MTMR11: variants seen among roughly 807,000 people sequenced by gnomAD.
MTMR11 encodes the protein myotubularin related protein 11, also known as myotubularin-related protein 11.
A neutral mutation model predicts 100.0 loss-of-function variants in MTMR11; 89 were observed. That is an observed-to-expected ratio of 0.89 (90% CI 0.75 to 1.06). The LOEUF (loss-of-function observed/expected upper bound fraction) is 1.06, where lower values mean the gene tolerates loss of function less well. MTMR11 is among the 50% of genes least tolerant of loss of function. The pLI, the probability that MTMR11 is intolerant of heterozygous loss-of-function variation, is 0.00. For synonymous variants in MTMR11, 336 were observed against 326.3 expected (o/e 1.03, Z -0.32); for missense variants, 809 against 873.7 (o/e 0.93, Z 0.93).
At chr1:149,930,074 G>T (rs2101656485) in intron 15 of MTMR11, 158 bp from the exon 16 acceptor site, 3 of 822,946 alleles carry the variant, frequency 3.6e-6, no homozygotes, top group South Asian at 3.7e-5. Flanking sequence ...TCCTCATTAG[G>T]CTTCAACTAG....
intron 6 of MTMR11, 39 bp downstream of exon 6, chr1:149,934,409 T>A: frequency 6.2e-7 from 1 of 1,613,736 alleles, no homozygotes; most frequent in East Asian, 2.2e-5. Flanking sequence ...ATCCTCTGCT[T>A]TTTCAGACTC....
rs12083986 is a variant in MTMR11, at chr1:149,934,833, G to A, written c.468+153C>T. Among the ~76,000 whole-genome samples the A allele has an allele frequency of 4.6e-3, 700 of 152,264 alleles. 9 individuals carry two copies. Among genetic ancestry groups the A allele is most frequent in the African/African-American group, 0.016 (663 of 41,556 alleles). On this transcript the variant is annotated intron_variant, in intron 5 of 16. Coordinates refer to ENST00000439741, the MANE Select transcript of MTMR11 (RefSeq NM_001145862.2). ...AGCGCAGGCTCTTTACTCTCATCACGCAATCATTTATCCCAGCCTTTTAGC... is the reference window on the plus strand; with the variant it reads ...AGCGCAGGCTCTTTACTCTCATCACACAATCATTTATCCCAGCCTTTTAGC...
intron 8 of MTMR11, 62 bp from the exon 9 acceptor site, chr1:149,933,760 C>T: frequency 1.2e-6 from 2 of 1,610,150 alleles, no homozygotes; most frequent in East Asian, 2.2e-5. Flanking sequence ...CTACCCTTGC[C>T]CCCACACTGA....
rs370127696 is a variant in MTMR11, at chr1:149,935,038, C to T, written c.416G>A (p.Arg139Gln). The T allele has an allele frequency of 3.3e-5, 53 of 1,613,950 alleles. No individual in the cohort carries two copies. The highest frequency in any genetic ancestry group is 4.3e-5 in the Non-Finnish European group (51 of 1,180,036). ...EEILIHGRDF[R>Q]LLRVGFEAGG... ...AGCCTCAAAACCAACTCTGAGCAGC[C>T]GGAAGTCTCGGCCATGAATCAGAAT... Residue 139 changes from arginine (R) to glutamine (Q), a missense_variant, in exon 5 of 17, where the codon CGG becomes CAG. By Grantham distance (43) the Arg-to-Gln change is conservative (BLOSUM62 1). Transcript: ENST00000439741.
In MTMR11 at chr1:149,928,941, T is replaced by C. The variant is rs2092616829; in HGVS notation, c.*188A>G. 1 of 1,614,108 alleles carries C rather than the reference T, an allele frequency of 6.2e-7. No homozygotes were observed. Reference sequence around the variant, plus strand: ...CAATTTCTGGATTGTTTTTGTTTCTTAATCCTTCAAATGACAAGAAGCAAA... The same window carrying C: ...CAATTTCTGGATTGTTTTTGTTTCTCAATCCTTCAAATGACAAGAAGCAAA... On this transcript the variant is annotated 3_prime_UTR_variant, in exon 17 of 17. Transcript: ENST00000439741.
At chr1:149,929,560 T>C in intron 16 of MTMR11, 63 bp downstream of exon 16, 1 of 1,528,750 alleles carries the variant, frequency 6.5e-7, no homozygotes, top group Non-Finnish European at 8.8e-7. Flanking sequence ...TTCCAGCTCC[T>C]GTTCATCTGG....
Position 149,932,349 on chromosome 1 carries a change from A to C in MTMR11, c.986-19T>G. ...GATGAATCTGATAGAGGGTAGAAAG[A>C]TCAGAAGGGCAAGAGATTAGAACTC... On this transcript the variant is annotated intron_variant, in intron 10 of 16. Transcript: ENST00000439741. The C allele has an allele frequency of 6.2e-7, 1 of 1,600,258 alleles. No individual in the cohort carries two copies. Among genetic ancestry groups the C allele is most frequent in the Middle Eastern group, 1.7e-4 (1 of 6,032 alleles).
intron 15 of MTMR11, 191 bp from the exon 16 acceptor site, chr1:149,930,107 A>AT (rs1450022663): frequency 8.4e-6 from 6 of 715,658 alleles, no homozygotes; most frequent in Non-Finnish European, 1.4e-5. Flanking sequence ...ATTAAGGTTG[A>AT]TTTTAGGGCA....
At position 149,928,925 on chromosome 1, in the gene MTMR11, GA is replaced by G; in HGVS notation, c.*203del. The G allele has an allele frequency of 6.2e-7, 1 of 1,614,046 alleles. No homozygotes were observed. The highest frequency in any genetic ancestry group is 8.5e-7 in the Non-Finnish European group (1 of 1,179,994). ...GCCTAAAAAAACCGATCAATTTCTG[GA>G]TTGTTTTTGTTTCTTAATCCTTCAA... On this transcript the variant is annotated 3_prime_UTR_variant, in exon 17 of 17. Transcript: ENST00000439741.
Position 149,936,154 on chromosome 1 carries a change from C to G in MTMR11, c.142G>C (p.Gly48Arg), listed in dbSNP as rs1423436299. ...TTGGAGAGTGATAGGGCATTATTACCTGGGAGGCATCTGGAGGCCAGGCAA... is the reference window on the plus strand; with the variant it reads ...TTGGAGAGTGATAGGGCATTATTACGTGGGAGGCATCTGGAGGCCAGGCAA... Reference protein sequence around the residue: ...SSCLASRCLPGEQILAWAPGV... With the variant: ...SSCLASRCLPREQILAWAPGV... Residue 48 changes from glycine (G) to arginine (R), a missense_variant and splice_region_variant, in exon 2 of 17, where the codon GGG becomes CGG. Physicochemically the swap from Gly to Arg is moderately radical, Grantham distance 125 (BLOSUM62 -2). Transcript: ENST00000439741. 6.2e-7 allele frequency: 1 copy of G among 1,613,630 alleles called. No individual in the cohort carries two copies. The highest frequency in any genetic ancestry group is 1.1e-5 in the South Asian group (1 of 91,078).
At chr1:149,929,361 C>T in intron 16 of MTMR11, 44 bp from the exon 17 acceptor site, 1 of 1,522,028 alleles carries the variant, frequency 6.6e-7, no homozygotes, top group Non-Finnish European at 9.0e-7. Flanking sequence ...ACTGTTGTAG[C>T]TCTGGCCCCC....
Position 149,929,287 on chromosome 1 carries a change from G to C in MTMR11, c.1972C>G (p.Leu658Val). 1 of 1,614,074 alleles carries C rather than the reference G, an allele frequency of 6.2e-7. No individual in the cohort carries two copies. Among genetic ancestry groups the C allele is most frequent in the Non-Finnish European group, 8.5e-7 (1 of 1,179,964 alleles). The change falls in exon 17 of 17, where the codon CTC becomes GTC. Residue 658 changes from leucine (L) to valine (V), a missense_variant. Coordinates refer to ENST00000439741, the MANE Select transcript of MTMR11 (RefSeq NM_001145862.2). The part of the protein sequence containing the change: ...MGLSAPTISG[L>V]QDELSHLQEL... Reference sequence around the variant, plus strand: ...TGAAGATGGGATAGCTCATCCTGGAGGCCAGAGATTGTGGGAGCTGAGAGG... The same window carrying C: ...TGAAGATGGGATAGCTCATCCTGGACGCCAGAGATTGTGGGAGCTGAGAGG...
At chr1:149,929,547 C>G (rs896426156) in intron 16 of MTMR11, 76 bp downstream of exon 16, 1 of 1,502,608 alleles carries the variant, frequency 6.7e-7, no homozygotes, top group African/African-American at 1.4e-5. Context: ...CAGCTCCTTG[C>G]CTTTCCAGCT....
Position 149,928,828 on chromosome 1 carries a change from C to T in MTMR11, c.*301G>A, listed in dbSNP as rs896195996. 3 of 1,583,250 alleles carry T rather than the reference C, an allele frequency of 1.9e-6. No homozygotes were observed. The highest frequency in any genetic ancestry group is 1.7e-5 in the Admixed American group (1 of 59,862). On this transcript the variant is annotated 3_prime_UTR_variant, in exon 17 of 17. Coordinates refer to ENST00000439741, the MANE Select transcript of MTMR11 (RefSeq NM_001145862.2). The stretch of plus-strand genomic sequence containing the variant: ...GGTGAGAATGCGATTTCTAGGCCAT[C>T]TTGTTGGGACTGATGAACAGCATCT...
In MTMR11 at chr1:149,936,724, T is replaced by A; in HGVS notation, c.-77A>T. On this transcript the variant is annotated 5_prime_UTR_variant, in exon 1 of 17. Transcript: ENST00000439741. Reference sequence around the variant, plus strand: ...ATGCTCACCCACCTCGGGGAGAGGCTGAGTCTTGTTGAGAAGAGGGGTGTT... The same window carrying A: ...ATGCTCACCCACCTCGGGGAGAGGCAGAGTCTTGTTGAGAAGAGGGGTGTT... 2 of 951,484 alleles carry A rather than the reference T, an allele frequency of 2.1e-6. No homozygotes were observed. Among genetic ancestry groups the A allele is most frequent in the Non-Finnish European group, 3.3e-6 (2 of 603,868 alleles). The allele number at this position is 951,484 out of a possible 1,614,324, so 58.9% of individuals were successfully genotyped here.
In MTMR11 at chr1:149,934,213, C is replaced by A. The variant is rs782214611; in HGVS notation, c.661G>T (p.Glu221Ter). The change falls in exon 7 of 17, where the codon GAG (glutamate) becomes TAG (stop). Residue 221 changes from glutamate (E) to a stop codon, truncating the protein, a stop_gained. Coordinates refer to ENST00000439741, the MANE Select transcript of MTMR11 (RefSeq NM_001145862.2). LOFTEE classifies it high-confidence loss of function. Reference sequence around the variant, plus strand: ...CACCTGGTGGCTACGTCGAACCTCTCGTTGACCGTGCTGACCCTCCAGCCT... The same window carrying A: ...CACCTGGTGGCTACGTCGAACCTCTAGTTGACCGTGCTGACCCTCCAGCCT... ...ARGWRVSTVN[E>*]RFDVATSLPR... is the part of the protein sequence containing the mutation. 3 of 1,614,120 alleles carry A rather than the reference C, an allele frequency of 1.9e-6. No homozygotes were observed. Among genetic ancestry groups the A allele is most frequent in the East Asian group, 4.5e-5 (2 of 44,880 alleles).
chr1:149,936,077 T>G (rs2092718050), intron 2 of MTMR11, 77 bp downstream of exon 2: 1 of 1,460,932 alleles, frequency 6.8e-7, no homozygotes, highest in African/African-American at 1.4e-5. Flanking sequence ...CACAGGGGTA[T>G]CTTTGGTGAG....
intron 2 of MTMR11, 30 bp from the exon 3 acceptor site, chr1:149,935,735 GAC>G (rs1553769039): frequency 7.7e-6 from 12 of 1,556,622 alleles, no homozygotes; most frequent in Non-Finnish European, 9.6e-6. Context: ...GCCCTGTTAT[GAC>G]TGTTCCCAGT....
At position 149,936,222 on chromosome 1, in the gene MTMR11, TG is replaced by T; in HGVS notation, c.73del (p.Gln25ArgfsTer28). On this transcript the variant is annotated frameshift_variant, in exon 2 of 17. Transcript: ENST00000439741. LOFTEE classifies it high-confidence loss of function. ...QKEEPEMGSV[Q>X]ENRMPEPRSR... ...CCTGGGCTCCGGCATCCTATTTTCC[TG>T]GACAGACTTTGGTCCAGAGGGTTGA... 1 of 1,613,918 alleles carries T rather than the reference TG, an allele frequency of 6.2e-7. No individual in the cohort carries two copies.
Sources: gnomAD v4.1 joint callset for allele counts (sites outside exome capture counted in the v4.1 genomes callset) on GRCh38, gnomAD v4.1.1 for gene constraint, MANE v1.5 for transcripts, NCBI Gene and HGNC (gene_info 2026-07-23, HGNC 2026-07-21) for gene names.